SYT9: variants seen among roughly 807,000 people sequenced by gnomAD.
SYT9 encodes the protein synaptotagmin-9.
A neutral mutation model predicts 48.4 loss-of-function variants in SYT9; 22 were observed. That is an observed-to-expected ratio of 0.45 (90% CI 0.32 to 0.65). The LOEUF is 0.65. SYT9 is among the 30% of genes least tolerant of loss of function. The pLI, the probability that SYT9 is intolerant of heterozygous loss-of-function variation, is 0.03. For synonymous variants in SYT9, 265 were observed against 245.0 expected (o/e 1.08, Z -0.76); for missense variants, 577 against 622.0 (o/e 0.93, Z 0.77).
At chr11:7,350,045 C>T (rs1004668713) in intron 3 of SYT9, among the ~76,000 whole-genome samples, 1 of 152,128 alleles carries the variant, frequency 6.6e-6, no homozygotes, top group Non-Finnish European at 1.5e-5. Flanking sequence ...GGGGACCCAC[C>T]GAGGATGCCT....
intron 6 of SYT9, among the ~76,000 whole-genome samples, chr11:7,443,223 AGT>A (rs1847860631): frequency 6.6e-6 from 1 of 152,256 alleles, no homozygotes; most frequent in South Asian, 2.1e-4. Flanking sequence ...TTTCTGAGCA[AGT>A]GCAAAGCACC....
At chr11:7,415,944 G>C in intron 3 of SYT9, 98 bp from the exon 4 acceptor site, 1 of 1,445,784 alleles carries the variant, frequency 6.9e-7, no homozygotes, top group Non-Finnish European at 9.6e-7. Context: ...CTGAGCAAAA[G>C]GGGCAGTGTG....
At chr11:7,325,520 G>A (rs1305135163) in intron 3 of SYT9, among the ~76,000 whole-genome samples, 1 of 38,022 alleles carries the variant, frequency 2.6e-5, no homozygotes, top group Non-Finnish European at 4.7e-5. Context: ...GGGCTGAGAC[G>A]ATGGGGTTTT....
chr11:7,311,226 C>T (rs58561136), intron 2 of SYT9, among the ~76,000 whole-genome samples: 1,888 of 152,160 alleles, frequency 0.012, 35 homozygotes, highest in African/African-American at 0.043. Flanking sequence ...TGCTTCAACC[C>T]GGGAGGTGGA....
intron 2 of SYT9, 127 bp from the exon 3 acceptor site, chr11:7,313,268 C>CA (rs1320349820): frequency 2.1e-6 from 2 of 971,944 alleles, no homozygotes; most frequent in Non-Finnish European, 2.9e-6. Context: ...CACACACACA[C>CA]AAAAAAGGCC....
intron 1 of SYT9, among the ~76,000 whole-genome samples, chr11:7,286,955 T>A (rs779908555): frequency 6.6e-6 from 1 of 152,210 alleles, no homozygotes; most frequent in Admixed American, 6.5e-5. Context: ...CTCCAAACTC[T>A]TCCAACTGCT....
chr11:7,451,240 A>G (rs1848041592), intron 6 of SYT9, among the ~76,000 whole-genome samples: 1 of 152,190 alleles, frequency 6.6e-6, no homozygotes, highest in African/African-American at 2.4e-5. Context: ...ATTAACAGAA[A>G]GCCCTTTGTT....
chr11:7,434,739 C>A (rs920157077), intron 6 of SYT9, among the ~76,000 whole-genome samples: 2 of 152,170 alleles, frequency 1.3e-5, no homozygotes, highest in Non-Finnish European at 2.9e-5. Flanking sequence ...TTATTATAAG[C>A]ACACTTATAA....
chr11:7,252,297 G>A lies in SYT9; in HGVS notation c.111G>A (p.Leu37=). ...GCTGCCAGGATTTCATTTACCACCTGCGGGACCGTGCCAGACCCCGGCTCC... is the reference window on the plus strand; with the variant it reads ...GCTGCCAGGATTTCATTTACCACCTACGGGACCGTGCCAGACCCCGGCTCC... ...HDSCQDFIYH[L]RDRARPRLRD... The change falls in exon 1 of 7, where the codon CTG becomes CTA. Residue 37 remains leucine, a synonymous_variant. Coordinates refer to ENST00000318881, the MANE Select transcript of SYT9 (RefSeq NM_175733.4). This position sits in a 1 kb window ranked among gnomAD's most constrained non-coding sequence, Gnocchi z 6.3. The A allele has an allele frequency of 6.6e-7, 1 of 1,510,818 alleles. No homozygotes were observed. The highest frequency in any genetic ancestry group is 8.9e-7 in the Non-Finnish European group (1 of 1,129,134). The allele number at this position is 1,510,818 out of a possible 1,614,324, so 93.6% of individuals were successfully genotyped here. A position where few individuals can be genotyped will look rare whatever the true frequency, so the allele number is the denominator to read the frequency against.
chr11:7,424,869 C>T (rs1312525433), intron 6 of SYT9, among the ~76,000 whole-genome samples: 1 of 152,188 alleles, frequency 6.6e-6, no homozygotes, highest in East Asian at 1.9e-4. Flanking sequence ...GCTCATTGAG[C>T]CTCCTGCCCC....
At chr11:7,279,955 G>T (rs984572716) in intron 1 of SYT9, among the ~76,000 whole-genome samples, 5 of 152,164 alleles carry the variant, frequency 3.3e-5, no homozygotes, top group African/African-American at 1.2e-4. Context: ...TTTGCATCAG[G>T]TAAAGACCTT....
intron 4 of SYT9, 88 bp from the exon 5 acceptor site, chr11:7,417,869 A>G: frequency 1.4e-6 from 2 of 1,406,220 alleles, no homozygotes; most frequent in Non-Finnish European, 9.7e-7. Flanking sequence ...TCAGCATACC[A>G]TAGTCCATGA....
chr11:7,360,987 A>C (rs2134015750), intron 3 of SYT9, among the ~76,000 whole-genome samples: 1 of 152,240 alleles, frequency 6.6e-6, no homozygotes, highest in East Asian at 1.9e-4. Flanking sequence ...TCTTGGCATA[A>C]AGTTGGTCAT....
chr11:7,387,665 T>G (rs1850687191), intron 3 of SYT9, among the ~76,000 whole-genome samples: 1 of 152,022 alleles, frequency 6.6e-6, no homozygotes, highest in Non-Finnish European at 1.5e-5. Context: ...CATTTCACTA[T>G]TAAATACACC....
intron 3 of SYT9, among the ~76,000 whole-genome samples, chr11:7,338,492 T>TGTA (rs1849664720): frequency 6.6e-6 from 1 of 152,236 alleles, no homozygotes; most frequent in Non-Finnish European, 1.5e-5. Context: ...TTTAGTGCTG[T>TGTA]GTATTTCCCT....
At chr11:7,267,470 A>T (rs77663614) in intron 1 of SYT9, among the ~76,000 whole-genome samples, 2,295 of 152,092 alleles carry the variant, frequency 0.015, 57 homozygotes, top group African/African-American at 0.053. Flanking sequence ...AACAATGCCA[A>T]AACTCTAAAC....
rs190568803 is a variant in SYT9, at chr11:7,315,788, C to G, written c.1044+1847C>G. ...CTGAGATCACTGCCATTTCAGCATT[C>G]TCTTGGGAGTAAGAGTTTCTTTTCC... On this transcript the variant is annotated intron_variant, in intron 3 of 6. Coordinates refer to ENST00000318881, the MANE Select transcript of SYT9 (RefSeq NM_175733.4). Among the ~76,000 whole-genome samples, 100 of 152,284 alleles carry G rather than the reference C, an allele frequency of 6.6e-4. No individual in the cohort carries two copies. In the East Asian group the frequency reaches 0.018, roughly 27 times the overall value.
rs201707278 is a variant in SYT9, at chr11:7,303,112, A to G, written c.219A>G (p.Val73=). 32 of 1,613,906 alleles carry G rather than the reference A, an allele frequency of 2.0e-5. No individual in the cohort carries two copies. The highest frequency in any genetic ancestry group is 2.6e-5 in the Non-Finnish European group (31 of 1,179,996). The change falls in exon 2 of 7, where the codon GTA becomes GTG. Residue 73 remains valine, a synonymous_variant. Coordinates refer to ENST00000318881, the MANE Select transcript of SYT9 (RefSeq NM_175733.4). ...CTCTCTTTGGCGTGTCTCTCTTCGT[A>G]TCTTGGAAACTCTGCTGGGTTCCGT... ...GLALFGVSLF[V]SWKLCWVPWR...
chr11:7,257,718 TTC>T (rs1470594381), intron 1 of SYT9, among the ~76,000 whole-genome samples: 1 of 152,142 alleles, frequency 6.6e-6, no homozygotes, highest in Non-Finnish European at 1.5e-5. Context: ...AAAAAGAGTC[TTC>T]TAAGGAATGA....
Sources: allele counts gnomAD v4.1 joint callset (sites outside exome capture counted in the v4.1 genomes callset), GRCh38; gene constraint gnomAD v4.1.1; non-coding constraint Gnocchi (gnomAD v3.1); transcripts MANE v1.5; gene names NCBI Gene and HGNC (gene_info 2026-07-23, HGNC 2026-07-21).